Variants in RIN3 observed in about 807,000 individuals in gnomAD.
The protein encoded by RIN3 is Ras and Rab interactor 3, also known as RAB5 interacting protein 3.
A neutral mutation model predicts 76.3 loss-of-function variants in RIN3; 54 were observed. That is an observed-to-expected ratio of 0.71 (90% CI 0.57 to 0.89). The LOEUF (loss-of-function observed/expected upper bound fraction) is 0.89. Ranked by LOEUF, RIN3 falls within the 40% of genes least tolerant of loss-of-function variation. The pLI is 0.00. For missense variants in RIN3, 1,256 were observed against 1,322.1 expected (o/e 0.95, Z 0.78); for synonymous variants, 576 against 564.0 (o/e 1.02, Z -0.30).
At position 92,576,354 on chromosome 14, in the gene RIN3, C is replaced by T. The variant is rs545373486; in HGVS notation, c.250-1006C>T. ...GTGAGAAGGAGAAGCGAGTGTCCGT[C>T]AACATGCTGGCTCTGGGTGAGACCT... is the stretch of plus-strand genomic sequence containing the variant. On this transcript the variant is annotated intron_variant, in intron 2 of 9. Transcript: ENST00000216487. 3.1e-6 allele frequency: 4 copies of T among 1,289,844 alleles called. No homozygotes were observed. The East Asian group carries it at 2.2e-4, about 72-fold the overall frequency. 79.9% of individuals were successfully genotyped at this position (1,289,844 alleles called of 1,614,324 possible).
At chr14:92,578,111 C>G (rs899584308) in intron 3 of RIN3, among the ~76,000 whole-genome samples, 13 of 151,886 alleles carry the variant, frequency 8.6e-5, no homozygotes, top group African/African-American at 1.5e-4. Context: ...TGGCATGCAC[C>G]TGTGGTCCCA....
intron 1 of RIN3, among the ~76,000 whole-genome samples, chr14:92,522,387 A>G (rs1487579500): frequency 1.3e-5 from 2 of 152,140 alleles, no homozygotes; most frequent in East Asian, 3.8e-4. Flanking sequence ...TTAAAAGTTC[A>G]TACACAGACA....
chr14:92,519,254 AC>A (rs1896527507), intron 1 of RIN3, among the ~76,000 whole-genome samples: 1 of 152,214 alleles, frequency 6.6e-6, no homozygotes, highest in Non-Finnish European at 1.5e-5. Context: ...TGACCAAGCT[AC>A]CTGGAAGGAA....
In RIN3 at chr14:92,688,701, G is replaced by A. The variant is rs182147248; in HGVS notation, c.*449G>A. The A allele has an allele frequency of 2.3e-3, 389 of 169,834 alleles. 2 individuals carry two copies. Among genetic ancestry groups the A allele is most frequent in the Admixed American group, 3.8e-3 (63 of 16,452 alleles). 10.5% of individuals were successfully genotyped at this position (169,834 alleles called of 1,614,324 possible). ...GCTGCTCCCCGTGCCACTCAGGGTG[G>A]ACCCAGCATCTCAGGAGCACCTCAG... On this transcript the variant is annotated 3_prime_UTR_variant, in exon 10 of 10. Transcript: ENST00000216487.
chr14:92,651,158 C>T (rs1418167298), intron 5 of RIN3, among the ~76,000 whole-genome samples: 2 of 152,200 alleles, frequency 1.3e-5, no homozygotes, highest in Admixed American at 6.5e-5. Context: ...GGTCAAACCA[C>T]CTGCCCCAGA....
At chr14:92,577,291 C>T (rs1420037931) in intron 2 of RIN3, 69 bp from the exon 3 acceptor site, 7 of 1,044,288 alleles carry the variant, frequency 6.7e-6, no homozygotes, top group East Asian at 4.9e-5. Context: ...ACTTCCATCT[C>T]GTGGTTGTCC....
rs148904325 is a variant in RIN3 at position 92,667,346 on chromosome 14, G to A, written c.2335+7877G>A. ...AGCCTGACCAACATGGTGAAACTCC[G>A]TCTCTACCAAAAATACAAAAATTAT... On this transcript the variant is annotated intron_variant, in intron 7 of 9. Coordinates refer to ENST00000216487, the MANE Select transcript of RIN3 (RefSeq NM_024832.5). Among the ~76,000 whole-genome samples the A allele has an allele frequency of 4.2e-3, 633 of 152,180 alleles. 21 individuals carry two copies. The South Asian group carries it at 0.082, about 20-fold the overall frequency.
chr14:92,641,165 G>C, intron 4 of RIN3, 73 bp from the exon 5 acceptor site: 1 of 1,175,964 alleles, frequency 8.5e-7, no homozygotes, highest in South Asian at 1.2e-5. Context: ...GATTGCCAGG[G>C]CTCTTCCTTT....
chr14:92,610,756 A>G (rs1169956168), intron 3 of RIN3, among the ~76,000 whole-genome samples: 1 of 152,156 alleles, frequency 6.6e-6, no homozygotes, highest in Middle Eastern at 3.2e-3. Flanking sequence ...GACTGTAGGA[A>G]CAGGAGATAG....
At chr14:92,536,128 G>A (rs533807597) in intron 1 of RIN3, among the ~76,000 whole-genome samples, 1 of 152,128 alleles carries the variant, frequency 6.6e-6, no homozygotes, top group Non-Finnish European at 1.5e-5. Flanking sequence ...TAATCACTTC[G>A]GCTTTATCAT....
In RIN3 at chr14:92,631,894, G is replaced by C. The variant is rs138290355; in HGVS notation, c.441-9344G>C. Among the ~76,000 whole-genome samples, 473 of 152,272 alleles carry C rather than the reference G, an allele frequency of 3.1e-3. 4 individuals carry two copies. The highest frequency in any genetic ancestry group is 0.011 in the African/African-American group (447 of 41,558). On this transcript the variant is annotated intron_variant, in intron 4 of 9. Coordinates refer to ENST00000216487, the MANE Select transcript of RIN3 (RefSeq NM_024832.5). ...AGGAATCTGCGTTTATAATAAGCCT[G>C]TCTCAGACCGGGGTTTGAGAACTTC...
In RIN3 at chr14:92,649,616, G is replaced by A. The variant is rs909339348; in HGVS notation, c.533-1966G>A. 2.0e-5 allele frequency among the ~76,000 whole-genome samples: 3 copies of A among 152,364 alleles called. No homozygotes were observed. In the East Asian group the frequency reaches 5.8e-4, roughly 29 times the overall value. On this transcript the variant is annotated intron_variant, in intron 5 of 9. Transcript: ENST00000216487. ...TACTCGAGGCAAGGTGCCTGGGAGAGTGAGGCATACATGGAGGAGCCATGC... is the reference window on the plus strand; with the variant it reads ...TACTCGAGGCAAGGTGCCTGGGAGAATGAGGCATACATGGAGGAGCCATGC...
At chr14:92,603,224 G>A (rs2140090569) in intron 3 of RIN3, among the ~76,000 whole-genome samples, 1 of 152,278 alleles carries the variant, frequency 6.6e-6, no homozygotes, top group East Asian at 1.9e-4. Flanking sequence ...CAGCTCCAGA[G>A]GCAAAGGTGC....
intron 2 of RIN3, chr14:92,576,500 T>C (rs1340544280): frequency 1.0e-6 from 1 of 955,988 alleles, no homozygotes; most frequent in African/African-American, 1.7e-5. Context: ...GGGATCTGCA[T>C]GCAGAGGCCT....
At chr14:92,565,671 G>T (rs1860163071) in intron 2 of RIN3, among the ~76,000 whole-genome samples, 1 of 152,180 alleles carries the variant, frequency 6.6e-6, no homozygotes, top group African/African-American at 2.4e-5. Context: ...TGGTGGGAGT[G>T]TCTTTTAGCT....
At chr14:92,544,414 T>TG (rs71123353) in intron 1 of RIN3, among the ~76,000 whole-genome samples, 124 of 74,538 alleles carry the variant, frequency 1.7e-3, no homozygotes, top group South Asian at 8.7e-3. Flanking sequence ...GTGACAGCTG[T>TG]GGGGGGGGGG....
At chr14:92,571,642 G>C (rs1262665117) in intron 2 of RIN3, among the ~76,000 whole-genome samples, 5 of 152,274 alleles carry the variant, frequency 3.3e-5, no homozygotes, top group Admixed American at 6.5e-5. Context: ...TCCTCCTTCA[G>C]ATGCCAGCCA....
At chr14:92,679,874 G>A (rs1011691376) in intron 8 of RIN3, among the ~76,000 whole-genome samples, 2 of 152,186 alleles carry the variant, frequency 1.3e-5, no homozygotes, top group African/African-American at 4.8e-5. Context: ...CTGACTGGCT[G>A]GAAACCCTGG....
intron 1 of RIN3, among the ~76,000 whole-genome samples, chr14:92,540,520 G>A (rs1166891024): frequency 6.6e-6 from 1 of 152,216 alleles, no homozygotes; most frequent in Non-Finnish European, 1.5e-5. Context: ...TTTGTGCTTT[G>A]TGCATGTGTG....
Sources: gnomAD v4.1 joint callset for allele counts (sites outside exome capture counted in the v4.1 genomes callset) on GRCh38, gnomAD v4.1.1 for gene constraint, MANE v1.5 for transcripts, NCBI Gene and HGNC (gene_info 2026-07-23, HGNC 2026-07-21) for gene names.